Variants in NFE2L2 observed in about 807,000 individuals in gnomAD.
NFE2L2 encodes nuclear factor erythroid 2-related factor 2.
A neutral mutation model predicts 49.6 loss-of-function variants in NFE2L2; 20 were observed. The observed-to-expected ratio is 0.40, with a 90% CI of 0.28 to 0.59. The LOEUF (loss-of-function observed/expected upper bound fraction) is 0.59. Among genes scored for constraint, NFE2L2 ranks in the 20% least tolerant of loss-of-function variants. The pLI, the probability that NFE2L2 is intolerant of heterozygous loss-of-function variation, is 0.40. For missense variants in NFE2L2, 578 were observed against 714.2 expected, an observed-to-expected ratio of 0.81 and a Z score of 2.17; for synonymous variants, 244 against 256.5, an observed-to-expected ratio of 0.95 and a Z score of 0.47.
At chr2:177,234,415 T>C in intron 1 of NFE2L2, 144 bp from the exon 2 acceptor site, 1 of 988,540 alleles carries the variant, frequency 1.0e-6, no homozygotes, top group Non-Finnish European at 1.4e-6. Flanking sequence ...ACAGATCCAA[T>C]GTTCTAGAAG....
intron 3 of NFE2L2, chr2:177,232,981 C>T (rs1375907882): frequency 2.0e-6 from 1 of 499,854 alleles, no homozygotes; most frequent in Non-Finnish European, 3.5e-6. Context: ...TTATTTGTTT[C>T]CATGGTTATG....
chr2:177,263,776 C>G (rs1434050975), intron 1 of NFE2L2: 3 of 985,528 alleles, frequency 3.0e-6, no homozygotes, highest in Non-Finnish European at 3.6e-6. Flanking sequence ...TGCCCGAGCC[C>G]GAACCCCTCC....
At chr2:177,247,968 G>C (rs552847897) in intron 1 of NFE2L2, among the ~76,000 whole-genome samples, 1 of 152,300 alleles carries the variant, frequency 6.6e-6, no homozygotes, top group South Asian at 2.1e-4. Context: ...ACTTGAAAAA[G>C]CAAGTCCAGC....
At chr2:177,264,390 G>A (rs955534321) in intron 1 of NFE2L2, 142 bp downstream of exon 1, 15 of 798,178 alleles carry the variant, frequency 1.9e-5, no homozygotes, top group Admixed American at 4.3e-5. Flanking sequence ...CGCAAGCGCG[G>A]CGGCTCTACC....
intron 1 of NFE2L2, chr2:177,263,879 G>A (rs2105501770): frequency 1.0e-6 from 1 of 985,516 alleles, no homozygotes; most frequent in East Asian, 1.1e-4. Context: ...CCTCGTCCCG[G>A]GGCTGGGCTT....
chr2:177,256,417 A>G (rs1690525569), intron 1 of NFE2L2, among the ~76,000 whole-genome samples: 1 of 150,568 alleles, frequency 6.6e-6, no homozygotes, highest in Non-Finnish European at 1.5e-5. Context: ...ATACACAGTC[A>G]ATATTGTCCT....
chr2:177,264,399 C>T lies in NFE2L2; in HGVS notation c.45+133G>A, dbSNP rs911423763. ...CCCCGGCGCAAGCGCGGCGGCTCTA[C>T]CCAGCGCCGCGGTCCTGGCTCTGGC... On this transcript the variant is annotated intron_variant, in intron 1 of 4. Coordinates refer to ENST00000397062, the MANE Select transcript of NFE2L2 (RefSeq NM_006164.5). 36 of 923,530 alleles carry T rather than the reference C, an allele frequency of 3.9e-5. No homozygotes were observed. The Admixed American group carries it at 5.6e-4, about 14-fold the overall frequency. 57.2% of individuals were successfully genotyped at this position (923,530 alleles called of 1,614,324 possible). A position where few individuals can be genotyped will look rare whatever the true frequency, so the allele number is the denominator to read the frequency against.
intron 1 of NFE2L2, among the ~76,000 whole-genome samples, chr2:177,245,124 A>G (rs1690078802): frequency 6.6e-6 from 1 of 151,530 alleles, no homozygotes; most frequent in Non-Finnish European, 1.5e-5. Flanking sequence ...CTGAGTCTCT[A>G]GCTCAAGGAA....
intron 1 of NFE2L2, among the ~76,000 whole-genome samples, chr2:177,237,855 G>A (rs1015262471): frequency 1.3e-5 from 2 of 152,130 alleles, no homozygotes; most frequent in African/African-American, 2.4e-5. Flanking sequence ...AGCTTGGGCC[G>A]CTTCTTCTCA....
At position 177,234,282 on chromosome 2, in the gene NFE2L2, G is replaced by A. The variant is rs1469130839; in HGVS notation, c.46-11C>T. On this transcript the variant is annotated splice_polypyrimidine_tract_variant and intron_variant, in intron 1 of 4. Coordinates refer to ENST00000397062, the MANE Select transcript of NFE2L2 (RefSeq NM_006164.5). ...AATCAAATCCATGTCCTATGTTTAA[G>A]ACAAAAAAAGGAAGGAGAGAGCTCA... 16 of 1,583,866 alleles carry A rather than the reference G, an allele frequency of 1.0e-5. No homozygotes were observed. The highest frequency in any genetic ancestry group is 1.8e-4 in the Middle Eastern group (1 of 5,684).
intron 1 of NFE2L2, among the ~76,000 whole-genome samples, chr2:177,234,543 C>G (rs937799257): frequency 6.6e-6 from 1 of 152,188 alleles, no homozygotes; most frequent in African/African-American, 2.4e-5. Flanking sequence ...GTAGAGGTCA[C>G]TAAAGGGCAA....
intron 3 of NFE2L2, chr2:177,233,023 T>C (rs1030383629): frequency 5.8e-6 from 3 of 518,416 alleles, no homozygotes; most frequent in Non-Finnish European, 1.0e-5. Context: ...CAATAGTCAA[T>C]GGTTTTGGTT....
intron 1 of NFE2L2, among the ~76,000 whole-genome samples, chr2:177,252,398 C>A (rs1427429957): frequency 2.0e-5 from 3 of 152,054 alleles, no homozygotes; most frequent in African/African-American, 7.2e-5. Context: ...TTGGGGCTCA[C>A]AGGAAAAGCT....
intron 1 of NFE2L2, among the ~76,000 whole-genome samples, chr2:177,257,820 G>A (rs1294273669): frequency 6.6e-6 from 1 of 152,228 alleles, no homozygotes; most frequent in Non-Finnish European, 1.5e-5. Context: ...TGCAAGGGAT[G>A]TAGGTTGCCA....
chr2:177,244,566 A>C (rs972300045), intron 1 of NFE2L2, among the ~76,000 whole-genome samples: 1 of 152,184 alleles, frequency 6.6e-6, no homozygotes, highest in Non-Finnish European at 1.5e-5. Context: ...CTCACAGAAG[A>C]GGTAACGACT....
At chr2:177,253,478 G>A (rs1393533700) in intron 1 of NFE2L2, among the ~76,000 whole-genome samples, 1 of 152,202 alleles carries the variant, frequency 6.6e-6, no homozygotes, top group Non-Finnish European at 1.5e-5. Flanking sequence ...AGGGGGATAC[G>A]TGCTGCATTA....
intron 1 of NFE2L2, among the ~76,000 whole-genome samples, chr2:177,259,301 CA>C (rs200672646): frequency 3.4e-5 from 5 of 146,896 alleles, no homozygotes; most frequent in Non-Finnish European, 3.0e-5. Flanking sequence ...GACTCTGTCT[CA>C]AAAAAAAAAG....
chr2:177,260,328 T>C (rs1690687206), intron 1 of NFE2L2, among the ~76,000 whole-genome samples: 1 of 152,226 alleles, frequency 6.6e-6, no homozygotes, highest in African/African-American at 2.4e-5. Flanking sequence ...TTAAATGCCC[T>C]GAGGTTGACC....
intron 1 of NFE2L2, among the ~76,000 whole-genome samples, chr2:177,245,683 C>T (rs2105474678): frequency 6.6e-6 from 1 of 152,118 alleles, no homozygotes; most frequent in South Asian, 2.1e-4. Context: ...AATCTCAGCT[C>T]ACTGCAACCT....
Sources: gnomAD v4.1 joint callset for allele counts (sites outside exome capture counted in the v4.1 genomes callset) on GRCh38, gnomAD v4.1.1 for gene constraint, MANE v1.5 for transcripts, NCBI Gene and HGNC (gene_info 2026-07-23, HGNC 2026-07-21) for gene names.